Variants in COL6A2 observed in about 807,000 individuals in gnomAD.
COL6A2 encodes collagen type VI alpha 2 chain.
COL6A2 carries 90 observed loss-of-function variants against 124.9 expected under a neutral mutation model. The observed-to-expected ratio is 0.72, with a 90% CI of 0.61 to 0.86. COL6A2 has a LOEUF of 0.86. COL6A2 is among the 40% of genes least tolerant of loss of function. The pLI, the probability that COL6A2 is intolerant of heterozygous loss-of-function variation, is 0.00. For missense variants in COL6A2, 1,607 were observed against 1,502.5 expected (o/e 1.07, Z -1.15); for synonymous variants, 793 against 618.2 (o/e 1.28, Z -4.19).
chr21:46,124,157 AGATG>A (rs1387412968), intron 21 of COL6A2, among the ~76,000 whole-genome samples: 1 of 143,754 alleles, frequency 7.0e-6, no homozygotes, highest in Non-Finnish European at 1.5e-5. Context: ...GTGGATAGAT[AGATG>A]GGTGGGTGGA....
rs145940677 is a variant in COL6A2, at chr21:46,118,525, C to T, written c.1117-89C>T. The stretch of plus-strand genomic sequence containing the variant: ...ACATCAGGGAGGTGCAGTCCCAAGC[C>T]CGACCGTGGGTCCTGCCCCCGCAGC... On this transcript the variant is annotated intron_variant, in intron 12 of 27. Coordinates refer to ENST00000300527, the MANE Select transcript of COL6A2 (RefSeq NM_001849.4). The T allele has an allele frequency of 9.3e-3, 12,067 of 1,298,476 alleles. 113 individuals carry two copies. Among genetic ancestry groups the T allele is most frequent in the South Asian group, 0.021 (1,692 of 80,402 alleles). The allele number at this position is 1,298,476 out of a possible 1,614,324, so 80.4% of individuals were successfully genotyped here.
chr21:46,101,087 T>A (rs1004381783), intron 1 of COL6A2, among the ~76,000 whole-genome samples: 5 of 152,252 alleles, frequency 3.3e-5, no homozygotes, highest in African/African-American at 7.2e-5. Context: ...TGGTTTTTTT[T>A]AAATGTTAAC....
At chr21:46,119,455 G>T (rs556289430) in intron 14 of COL6A2, among the ~76,000 whole-genome samples, 1 of 152,168 alleles carries the variant, frequency 6.6e-6, no homozygotes, top group African/African-American at 2.4e-5. Context: ...GGGAGTGACC[G>T]CAGTGACTGG....
rs762966085 is a variant in COL6A2 at position 46,124,848 on chromosome 21, T to TGGCCCCAGAGTCTCAGCCTC, written c.1735-36_1735-17dup. 1.2e-5 allele frequency: 20 copies of TGGCCCCAGAGTCTCAGCCTC among 1,612,380 alleles called. 1 individual carries two copies. In the South Asian group the frequency reaches 2.2e-4, roughly 18 times the overall value. ...TGGGAGAGACTCAGCCACCCAGCCT[T>TGGCCCCAGAGTCTCAGCCTC]GGCCCCAGAGTCTCAGCCTCATCCT... is the stretch of plus-strand genomic sequence containing the variant. On this transcript the variant is annotated intron_variant, in intron 22 of 27. Transcript: ENST00000300527.
At chr21:46,101,201 A>G (rs963164927) in intron 1 of COL6A2, among the ~76,000 whole-genome samples, 2 of 152,130 alleles carry the variant, frequency 1.3e-5, no homozygotes, top group Non-Finnish European at 2.9e-5. Context: ...GGCCATTTAT[A>G]TATCTCTTGG....
At chr21:46,100,105 G>A (rs2123588032) in intron 1 of COL6A2, among the ~76,000 whole-genome samples, 1 of 151,508 alleles carries the variant, frequency 6.6e-6, no homozygotes, top group African/African-American at 2.4e-5. Flanking sequence ...TTGTTTGTTT[G>A]TTTGTTTTTT....
chr21:46,105,538 A>G (rs1000813287), intron 1 of COL6A2, among the ~76,000 whole-genome samples: 2 of 152,246 alleles, frequency 1.3e-5, no homozygotes, highest in African/African-American at 2.4e-5. Context: ...TTTTGGACAC[A>G]TAATATATAA....
At chr21:46,125,758 C>G in intron 25 of COL6A2, 27 bp from the exon 26 acceptor site, 1 of 1,608,248 alleles carries the variant, frequency 6.2e-7, no homozygotes. Context: ...AGGCCTCTGG[C>G]AACGACCTCA....
chr21:46,122,966 C>T (rs1245878525), intron 21 of COL6A2, 29 bp downstream of exon 21: 1 of 1,605,408 alleles, frequency 6.2e-7, no homozygotes, highest in African/African-American at 1.3e-5. Context: ...AAGCCCACAG[C>T]AGCTGGGCAG....
At chr21:46,130,905 G>A (rs1601263295) in intron 27 of COL6A2, among the ~76,000 whole-genome samples, 1 of 152,220 alleles carries the variant, frequency 6.6e-6, no homozygotes, top group South Asian at 2.1e-4. Context: ...CTCAGACGGC[G>A]TCCATGTCTC....
rs112645828 is a variant in COL6A2, at chr21:46,125,462, C to A, written c.1817-3C>A. On this transcript the variant is annotated splice_region_variant and splice_polypyrimidine_tract_variant and intron_variant, in intron 24 of 27. Coordinates refer to ENST00000300527, the MANE Select transcript of COL6A2 (RefSeq NM_001849.4). ...CCCCCCGATGACCCTGCCACCCCCC[C>A]AGACTGTGAGAAGCGCTGTGGCGCC... The A allele has an allele frequency of 2.5e-6, 4 of 1,612,900 alleles. No homozygotes were observed. In the South Asian group the frequency reaches 3.3e-5, roughly 13 times the overall value.
intron 27 of COL6A2, among the ~76,000 whole-genome samples, chr21:46,131,599 T>C (rs1169399559): frequency 6.6e-6 from 1 of 152,170 alleles, no homozygotes; most frequent in Admixed American, 6.5e-5. Flanking sequence ...ACAGTGGCCC[T>C]TTTGTGGGCA....
rs758699594 is a variant in COL6A2, at chr21:46,126,082, CCATCGG to C, written c.2274_2279del (p.Ile759_Gly760del). 1.9e-6 allele frequency: 3 copies of C among 1,612,788 alleles called. No individual in the cohort carries two copies. Among genetic ancestry groups the C allele is most frequent in the Admixed American group, 1.7e-5 (1 of 60,010 alleles). ...TGCGACCGCGACGTCACAGTGACGGCCATCGGCATCGGGGACATGTTCCACGAGAAG... is the reference window on the plus strand; with the variant it reads ...TGCGACCGCGACGTCACAGTGACGGCCATCGGGGACATGTTCCACGAGAAG... On this transcript the variant is annotated inframe_deletion, in exon 26 of 28. Transcript: ENST00000300527.
rs35548026 is a variant in COL6A2, at chr21:46,132,295, G to A, written c.2803G>A (p.Gly935Arg). The A allele has an allele frequency of 0.084, 134,826 of 1,605,536 alleles. 5,894 individuals are homozygous for A. The highest frequency in any genetic ancestry group is 0.088 in the Non-Finnish European group (103,667 of 1,179,064). The change falls in exon 28 of 28, where the codon GGG becomes AGG. Residue 935 changes from glycine (G) to arginine (R), a missense_variant. Transcript: ENST00000300527. The stretch of plus-strand genomic sequence containing the variant: ...TGCCATCGTGCGCAGCCCGCGTGGC[G>A]GGGCCCGGAGGCACGCAGAGCTGTC... Reference protein sequence around the residue: ...INAIVRSPRGGARRHAELSFV... With the variant: ...INAIVRSPRGRARRHAELSFV...
chr21:46,126,360 G>T, intron 26 of COL6A2, 123 bp downstream of exon 26: 1 of 1,501,406 alleles, frequency 6.7e-7, no homozygotes, highest in Non-Finnish European at 9.2e-7. Context: ...TTGGGCTGTG[G>T]GTGGGAAGGG....
At chr21:46,122,624 C>G in intron 20 of COL6A2, 93 bp downstream of exon 20, 1 of 1,397,200 alleles carries the variant, frequency 7.2e-7, no homozygotes, top group South Asian at 1.2e-5. Context: ...ACTGACAGGA[C>G]CACCCCTGTC....
At chr21:46,123,052 A>G in intron 21 of COL6A2, 115 bp downstream of exon 21, 1 of 1,019,228 alleles carries the variant, frequency 9.8e-7, no homozygotes. Context: ...GGCCCCAGCC[A>G]TGAGCACCAC....
chr21:46,125,180 G>T, intron 23 of COL6A2, 86 bp from the exon 24 acceptor site: 1 of 1,347,760 alleles, frequency 7.4e-7, no homozygotes, highest in South Asian at 1.2e-5. Context: ...GGGCTGGAAT[G>T]TCCCGGGACC....
intron 27 of COL6A2, chr21:46,129,835 G>A (rs751658072): frequency 2.0e-5 from 22 of 1,094,356 alleles, no homozygotes; most frequent in Non-Finnish European, 2.3e-5. Flanking sequence ...GCTGCATCAG[G>A]TCACCCTCAC....
Sources: gnomAD v4.1 joint callset for allele counts (sites outside exome capture counted in the v4.1 genomes callset) on GRCh38, gnomAD v4.1.1 for gene constraint, MANE v1.5 for transcripts, NCBI Gene and HGNC (gene_info 2026-07-23, HGNC 2026-07-21) for gene names.